TRPM3: variants seen among roughly 807,000 people sequenced by gnomAD.
TRPM3 encodes transient receptor potential cation channel subfamily M member 3, also known as long transient receptor potential channel 3.
A neutral mutation model predicts 181.2 loss-of-function variants in TRPM3; 77 were observed. The ratio of observed to expected loss-of-function variants is 0.42; its 90% CI spans 0.35 to 0.51. The LOEUF (loss-of-function observed/expected upper bound fraction) is 0.51. Ranked by LOEUF, TRPM3 falls within the 20% of genes least tolerant of loss-of-function variation. The pLI, the probability that TRPM3 is intolerant of heterozygous loss-of-function variation, is 0.01. For synonymous variants in TRPM3, 745 were observed against 796.4 expected (o/e 0.94, Z 1.09); for missense variants, 1,759 against 2,196.7 (o/e 0.80, Z 3.98).
At chr9:71,191,813 G>A (rs1229208346) in intron 1 of TRPM3, among the ~76,000 whole-genome samples, 6 of 115,890 alleles carry the variant, frequency 5.2e-5, no homozygotes, top group Admixed American at 2.8e-4. Context: ...AAATCACATC[G>A]TCAAGGATCA....
chr9:71,164,770 C>T (rs913939571), intron 1 of TRPM3, among the ~76,000 whole-genome samples: 14 of 152,216 alleles, frequency 9.2e-5, no homozygotes, highest in African/African-American at 3.4e-4. Flanking sequence ...ATTTTAAAAC[C>T]TTACCTTTGT....
chr9:71,266,328 A>T (rs2083389837), intron 1 of TRPM3, among the ~76,000 whole-genome samples: 1 of 152,086 alleles, frequency 6.6e-6, no homozygotes, highest in South Asian at 2.1e-4. Flanking sequence ...TTTTTATATC[A>T]TGAGGGAGTG....
intron 22 of TRPM3, among the ~76,000 whole-genome samples, chr9:70,583,304 T>C (rs1239732272): frequency 6.6e-6 from 1 of 152,218 alleles, no homozygotes; most frequent in African/African-American, 2.4e-5. Context: ...AACGCTACAC[T>C]TCATAGCTTG....
intron 1 of TRPM3, among the ~76,000 whole-genome samples, chr9:70,897,832 C>T (rs1019413144): frequency 2.6e-5 from 4 of 152,132 alleles, no homozygotes; most frequent in African/African-American, 9.7e-5. Context: ...GTTGTAATAG[C>T]GCATTGGCCA....
At chr9:71,113,163 G>A (rs940678703) in intron 1 of TRPM3, among the ~76,000 whole-genome samples, 1 of 152,154 alleles carries the variant, frequency 6.6e-6, no homozygotes, top group African/African-American at 2.4e-5. Flanking sequence ...GCTGTGGGAA[G>A]GATGGATTTG....
chr9:70,833,748 T>TAA (rs1286454501), intron 5 of TRPM3, among the ~76,000 whole-genome samples: 1 of 152,160 alleles, frequency 6.6e-6, no homozygotes, highest in Non-Finnish European at 1.5e-5. Flanking sequence ...AAAGTCCTTC[T>TAA]AATAGCTGAT....
rs1273757530 is a variant in TRPM3 at position 71,075,458 on chromosome 9, C to A, written c.177+45720G>T. 5.0e-4 allele frequency among the ~76,000 whole-genome samples: 76 copies of A among 152,178 alleles called. 1 individual carries two copies. The highest frequency in any genetic ancestry group is 2.9e-5 in the Non-Finnish European group (2 of 68,028). On this transcript the variant is annotated intron_variant, in intron 1 of 25. Transcript: ENST00000677713. ...GTCAGCTCATTTTTGAATATTTGTA[C>A]ATATCTTTACTTCTCTATGCAAACT...
At chr9:71,155,381 G>C (rs899625287) in intron 1 of TRPM3, among the ~76,000 whole-genome samples, 3 of 151,942 alleles carry the variant, frequency 2.0e-5, no homozygotes, top group African/African-American at 7.2e-5. Context: ...GCAATGGTAT[G>C]ATCTCAGCTC....
At chr9:71,342,869 A>G (rs1351466465) in intron 1 of TRPM3, among the ~76,000 whole-genome samples, 2 of 152,146 alleles carry the variant, frequency 1.3e-5, no homozygotes, top group Non-Finnish European at 2.9e-5. Context: ...CATCTGTATA[A>G]TGGTTTACTA....
At chr9:71,342,667 A>G (rs528372415) in intron 1 of TRPM3, among the ~76,000 whole-genome samples, 1 of 152,236 alleles carries the variant, frequency 6.6e-6, no homozygotes, top group East Asian at 1.9e-4. Context: ...AGTTTTTACA[A>G]AAGTAAATTA....
chr9:70,818,461 C>A (rs993015283), intron 6 of TRPM3, among the ~76,000 whole-genome samples: 1 of 152,214 alleles, frequency 6.6e-6, no homozygotes. Context: ...GCCCACATTT[C>A]TGGGCCCTTG....
chr9:71,298,478 T>A (rs1471795360), intron 1 of TRPM3, among the ~76,000 whole-genome samples: 3 of 152,098 alleles, frequency 2.0e-5, no homozygotes, highest in Admixed American at 6.6e-5. Flanking sequence ...GGTCTTTTTT[T>A]TTTTTACATA....
intron 1 of TRPM3, among the ~76,000 whole-genome samples, chr9:71,368,974 G>C (rs2092426506): frequency 6.6e-6 from 1 of 152,150 alleles, no homozygotes; most frequent in Non-Finnish European, 1.5e-5. Context: ...ATAGTAAACT[G>C]AATGATCATG....
At chr9:70,843,480 G>C (rs2094809984) in intron 4 of TRPM3, among the ~76,000 whole-genome samples, 1 of 152,138 alleles carries the variant, frequency 6.6e-6, no homozygotes, top group Non-Finnish European at 1.5e-5. Context: ...GGAGCCAATA[G>C]CTTGACTGTG....
At chr9:71,293,500 T>C (rs373460204) in intron 1 of TRPM3, among the ~76,000 whole-genome samples, 43 of 151,816 alleles carry the variant, frequency 2.8e-4, no homozygotes, top group Non-Finnish European at 4.7e-4. Flanking sequence ...TACCTAAGAA[T>C]AAATCTAATA....
intron 1 of TRPM3, among the ~76,000 whole-genome samples, chr9:71,350,536 G>T (rs1314704633): frequency 3.3e-5 from 5 of 152,162 alleles, no homozygotes; most frequent in Non-Finnish European, 5.9e-5. Flanking sequence ...TCTTAAGTTT[G>T]CATTTTCAGT....
chr9:71,137,874 C>T (rs975560597), intron 1 of TRPM3, among the ~76,000 whole-genome samples: 4 of 152,096 alleles, frequency 2.6e-5, no homozygotes, highest in African/African-American at 9.7e-5. Context: ...CCCAGCACTT[C>T]TGGAGGCCGA....
At chr9:70,849,856 G>T (rs1232497092) in intron 3 of TRPM3, among the ~76,000 whole-genome samples, 4 of 152,092 alleles carry the variant, frequency 2.6e-5, no homozygotes, top group Non-Finnish European at 5.9e-5. Context: ...TTTCGGGTCT[G>T]GAAAACCCCA....
In TRPM3 at chr9:71,321,060, T is replaced by TAA. The variant is rs796444390; in HGVS notation, c.183+125591_183+125592dup. Among the ~76,000 whole-genome samples the TAA allele has an allele frequency of 8.5e-5, 13 of 152,232 alleles. 1 individual carries two copies. Among genetic ancestry groups the TAA allele is most frequent in the African/African-American group, 3.1e-4 (13 of 41,552 alleles). On this transcript the variant is annotated intron_variant, in intron 1 of 24. Transcript: ENST00000357533. Reference sequence around the variant, plus strand: ...AATTTCTGCTGTTTCCATCCTAGATTAAGTTACCATCATGGACAATTTAAG... The same window carrying TAA: ...AATTTCTGCTGTTTCCATCCTAGATTAAAAGTTACCATCATGGACAATTTAAG...
Sources: gnomAD v4.1 joint callset for allele counts (sites outside exome capture counted in the v4.1 genomes callset) on GRCh38, gnomAD v4.1.1 for gene constraint, MANE v1.5 for transcripts, NCBI Gene and HGNC (gene_info 2026-07-23, HGNC 2026-07-21) for gene names.